The following NHSL2 variants were observed in gnomAD, a reference collection of about 807,000 sequenced individuals.
NHSL2 encodes the protein NHS-like protein 2.
Under a neutral mutation model 53.4 loss-of-function variants are expected in NHSL2, and 27 were observed. That is an observed-to-expected ratio of 0.51 (90% CI 0.37 to 0.70). The LOEUF (loss-of-function observed/expected upper bound fraction) is 0.70, where lower values mean the gene tolerates loss of function less well. Ranked by LOEUF, NHSL2 falls within the 30% of genes least tolerant of loss-of-function variation. The pLI, the probability that NHSL2 is intolerant of heterozygous loss-of-function variation, is 0.00. For missense variants in NHSL2, 892 were observed against 980.1 expected (o/e 0.91, Z 1.20); for synonymous variants, 408 against 404.1 (o/e 1.01, Z -0.12).
At chrX:71,929,887 TAGGACTA>T (rs2041704472) in intron 1 of NHSL2, among the ~76,000 whole-genome samples, 1 of 110,529 alleles carries the variant, frequency 9.0e-6, no homozygotes, top group African/African-American at 3.3e-5. Context: ...CCCGAGTAGC[TAGGACTA>T]CAGGTGTGTG....
At chrX:72,134,753 A>G in intron 4 of NHSL2, 49 bp downstream of exon 4, 1 of 945,627 alleles carries the variant, frequency 1.1e-6, no homozygotes, top group Non-Finnish European at 1.5e-6. Context: ...ATGCCTCTAC[A>G]GACCATCCTC....
chrX:72,059,841 A>G (rs963961616), intron 1 of NHSL2, among the ~76,000 whole-genome samples: 1 of 112,079 alleles, frequency 8.9e-6, no homozygotes, highest in East Asian at 2.8e-4. Flanking sequence ...TGCTCTATGC[A>G]CTTTCTATGC....
At chrX:71,960,436 C>T (rs971395874) in intron 1 of NHSL2, among the ~76,000 whole-genome samples, 4 of 111,931 alleles carry the variant, frequency 3.6e-5, no homozygotes, top group Non-Finnish European at 7.5e-5. Flanking sequence ...GTTGCTTATG[C>T]TTTTGGTATT....
intron 1 of NHSL2, among the ~76,000 whole-genome samples, chrX:72,038,191 C>T (rs1436433016): frequency 2.7e-5 from 3 of 111,567 alleles, no homozygotes; most frequent in Non-Finnish European, 5.6e-5. Flanking sequence ...CTCCTTCCCA[C>T]GGTTGTGTAA....
At chrX:71,966,607 AT>A (rs2041902119) in intron 1 of NHSL2, among the ~76,000 whole-genome samples, 1 of 107,904 alleles carries the variant, frequency 9.3e-6, no homozygotes, top group Non-Finnish European at 1.9e-5. Context: ...TGATTCTTGA[AT>A]CTTGAACCAG....
At chrX:72,105,111 G>A (rs961469648) in intron 1 of NHSL2, among the ~76,000 whole-genome samples, 4 of 110,555 alleles carry the variant, frequency 3.6e-5, no homozygotes, top group African/African-American at 1.3e-4. Flanking sequence ...GTTGAGGCCA[G>A]GCAGCTGGGC....
At chrX:72,073,868 G>C (rs1002447498) in intron 1 of NHSL2, among the ~76,000 whole-genome samples, 9 of 112,374 alleles carry the variant, frequency 8.0e-5, no homozygotes, top group African/African-American at 2.9e-4. Context: ...CTTGCTTGTG[G>C]TAGGGCTAGC....
At chrX:71,926,639 T>C (rs1209379484) in intron 1 of NHSL2, among the ~76,000 whole-genome samples, 2 of 110,748 alleles carry the variant, frequency 1.8e-5, no homozygotes, top group Non-Finnish European at 3.8e-5. Flanking sequence ...TACATATATA[T>C]ACATACACCA....
At chrX:71,996,862 C>T (rs2042052196) in intron 1 of NHSL2, among the ~76,000 whole-genome samples, 1 of 111,917 alleles carries the variant, frequency 8.9e-6, no homozygotes, top group Non-Finnish European at 1.9e-5. Flanking sequence ...ACAGGCCAGC[C>T]CAGATGGAAG....
At chrX:72,130,187 C>G (rs780558080) in intron 1 of NHSL2, 1 of 1,210,870 alleles carries the variant, frequency 8.3e-7, no homozygotes, top group Non-Finnish European at 1.1e-6. Flanking sequence ...GGCTCCTCCT[C>G]CACCTCACCA....
At position 72,112,628 on chromosome X, in the gene NHSL2, C is replaced by T. The variant is rs761136245; in HGVS notation, c.281-19451C>T. 9.8e-5 allele frequency among the ~76,000 whole-genome samples: 11 copies of T among 112,035 alleles called. No homozygotes were observed. In the South Asian group the frequency reaches 3.7e-3, roughly 38 times the overall value. On this transcript the variant is annotated intron_variant, in intron 1 of 7. Transcript: ENST00000633930. ...ATAATGTGTGGCCTTTTGTTGCTGG[C>T]TTCTTTCACTTAGTGTAATGTTTAC...
chrX:72,002,910 T>G, intron 1 of NHSL2, among the ~76,000 whole-genome samples: 1 of 110,789 alleles, frequency 9.0e-6, no homozygotes, highest in South Asian at 3.9e-4. Context: ...ATGAGGGAAA[T>G]ACACATAAAT....
chrX:72,147,867 C>T lies in NHSL2; in HGVS notation c.*4293C>T, dbSNP rs1406250121. On this transcript the variant is annotated 3_prime_UTR_variant, in exon 8 of 8. Coordinates refer to ENST00000633930, the MANE Select transcript of NHSL2 (RefSeq NM_001013627.3). The stretch of plus-strand genomic sequence containing the variant: ...CTTTTGAGGGTCAGTTGCATTTTAA[C>T]AAGGGAAAAGCCTTAAGCCAATGGA... 2 of 112,543 alleles carry T rather than the reference C, an allele frequency of 1.8e-5. No individual in the cohort carries two copies. Among genetic ancestry groups the T allele is most frequent in the African/African-American group, 6.5e-5 (2 of 30,999 alleles). The allele number at this position is 112,543 out of a possible 1,213,427, so 9.3% of individuals were successfully genotyped here. A position where few individuals can be genotyped will look rare whatever the true frequency, so the allele number is the denominator to read the frequency against.
chrX:72,024,429 A>G (rs945991924), intron 1 of NHSL2, among the ~76,000 whole-genome samples: 9 of 111,985 alleles, frequency 8.0e-5, no homozygotes, highest in African/African-American at 2.3e-4. Flanking sequence ...CCTTGGCAGT[A>G]TTTTAAAGGA....
chrX:71,985,695 A>G (rs1046111498), intron 1 of NHSL2, among the ~76,000 whole-genome samples: 1 of 112,620 alleles, frequency 8.9e-6, no homozygotes, highest in Non-Finnish European at 1.9e-5. Flanking sequence ...AGCTAAGTTA[A>G]AAAAGATTGC....
intron 1 of NHSL2, among the ~76,000 whole-genome samples, chrX:72,096,019 C>T (rs1317292277): frequency 9.1e-6 from 1 of 110,179 alleles, no homozygotes; most frequent in Non-Finnish European, 1.9e-5. Flanking sequence ...CCTGCTGGCA[C>T]CCTGAGCTTT....
chrX:72,124,199 AC>A (rs1173468409), intron 1 of NHSL2, among the ~76,000 whole-genome samples: 1 of 106,470 alleles, frequency 9.4e-6, no homozygotes, highest in Non-Finnish European at 1.9e-5. Context: ...GGAAGAGTCC[AC>A]CCCCACCCTC....
At chrX:71,966,136 G>A (rs770657585) in intron 1 of NHSL2, 13 of 112,226 alleles carry the variant, frequency 1.2e-4, no homozygotes, top group Admixed American at 1.9e-4. Flanking sequence ...ATATAGCACC[G>A]CAATTGACTT....
chrX:71,945,491 C>T (rs1230460915), intron 1 of NHSL2, among the ~76,000 whole-genome samples: 2 of 111,771 alleles, frequency 1.8e-5, no homozygotes, highest in African/African-American at 3.3e-5. Context: ...CCCCCCACCC[C>T]GCAACCCCTG....
Sources: allele counts gnomAD v4.1 joint callset (sites outside exome capture counted in the v4.1 genomes callset), GRCh38; gene constraint gnomAD v4.1.1; transcripts MANE v1.5; gene names NCBI Gene and HGNC (gene_info 2026-07-23, HGNC 2026-07-21).